MCTP1: variants seen among roughly 807,000 people sequenced by gnomAD.
The protein encoded by MCTP1 is multiple C2 and transmembrane domain containing 1.
In MCTP1, 69 loss-of-function variants were observed where a neutral mutation model predicts 120.6. The observed-to-expected ratio is 0.57, with a 90% confidence interval of 0.47 to 0.70. The LOEUF is 0.70. MCTP1 is among the 30% of genes least tolerant of loss of function. The pLI is 0.00. For synonymous variants in MCTP1, 529 were observed against 493.1 expected (o/e 1.07, Z -0.96); for missense variants, 1,203 against 1,248.8 (o/e 0.96, Z 0.55).
At chr5:95,231,570 A>C (rs1275625604) in intron 1 of MCTP1, among the ~76,000 whole-genome samples, 7 of 152,212 alleles carry the variant, frequency 4.6e-5, no homozygotes, top group Non-Finnish European at 1.0e-4. Flanking sequence ...ATTTACTGCC[A>C]TGAGTGATTC....
At chr5:94,791,136 A>C (rs1013471524) in intron 18 of MCTP1, among the ~76,000 whole-genome samples, 1 of 150,630 alleles carries the variant, frequency 6.6e-6, no homozygotes, top group African/African-American at 2.4e-5. Context: ...AAAAAAAAGA[A>C]AAAAATACAA....
At chr5:95,066,341 A>G (rs1750654705) in intron 1 of MCTP1, among the ~76,000 whole-genome samples, 1 of 152,202 alleles carries the variant, frequency 6.6e-6, no homozygotes, top group South Asian at 2.1e-4. Flanking sequence ...CAAAAAGACA[A>G]GAGATAACTA....
chr5:94,802,159 T>C (rs939439486), intron 17 of MCTP1, among the ~76,000 whole-genome samples: 1 of 152,200 alleles, frequency 6.6e-6, no homozygotes, highest in African/African-American at 2.4e-5. Flanking sequence ...ATCTAATATT[T>C]GGGTAATTGA....
At chr5:95,084,745 G>A (rs1230465923) in intron 1 of MCTP1, among the ~76,000 whole-genome samples, 1 of 152,066 alleles carries the variant, frequency 6.6e-6, no homozygotes, top group East Asian at 1.9e-4. Flanking sequence ...CATAACAATT[G>A]CTTTCCTAAT....
At chr5:94,923,495 T>C (rs1278775972) in intron 7 of MCTP1, among the ~76,000 whole-genome samples, 4 of 152,204 alleles carry the variant, frequency 2.6e-5, no homozygotes, top group East Asian at 1.9e-4. Context: ...TTCTAAATTA[T>C]AGGATTTCTT....
At chr5:94,759,738 T>C (rs1316813804) in intron 19 of MCTP1, among the ~76,000 whole-genome samples, 3 of 152,114 alleles carry the variant, frequency 2.0e-5, no homozygotes, top group African/African-American at 7.2e-5. Flanking sequence ...ACATAACCTG[T>C]GTTACTTAAA....
At chr5:94,958,784 T>C (rs1452788731) in intron 2 of MCTP1, among the ~76,000 whole-genome samples, 1 of 152,202 alleles carries the variant, frequency 6.6e-6, no homozygotes, top group Non-Finnish European at 1.5e-5. Flanking sequence ...ATTAGTAGCC[T>C]ACCAACCAAA....
At chr5:95,095,770 A>G (rs1002821090) in intron 1 of MCTP1, among the ~76,000 whole-genome samples, 1 of 152,190 alleles carries the variant, frequency 6.6e-6, no homozygotes, top group African/African-American at 2.4e-5. Flanking sequence ...GGCAAAGTGA[A>G]TGCCTGAAGC....
At chr5:95,126,692 C>T (rs1162843687) in intron 1 of MCTP1, among the ~76,000 whole-genome samples, 4 of 152,086 alleles carry the variant, frequency 2.6e-5, no homozygotes, top group Non-Finnish European at 4.4e-5. Context: ...TGGGATCATG[C>T]TATACTACAT....
rs183756046 is a variant in MCTP1, at chr5:94,767,382, C to T, written c.2610+11728G>A. On this transcript the variant is annotated intron_variant, in intron 19 of 22. Transcript: ENST00000515393. The stretch of plus-strand genomic sequence containing the variant: ...GACAATGATGCCCCTGTTCACCACT[C>T]TTGTTCAACATAGTACTGAAAGTCC... Among the ~76,000 whole-genome samples the T allele has an allele frequency of 7.9e-5, 12 of 152,268 alleles. No homozygotes were observed. In the East Asian group the frequency reaches 2.3e-3, roughly 29 times the overall value.
rs527338333 is a variant in MCTP1, at chr5:94,818,536, G to A, written c.2437-19404C>T. Among the ~76,000 whole-genome samples, 22 of 152,248 alleles carry A rather than the reference G, an allele frequency of 1.4e-4. 1 individual carries two copies. Among genetic ancestry groups the A allele is most frequent in the Admixed American group, 1.1e-3 (17 of 15,296 alleles). On this transcript the variant is annotated intron_variant, in intron 17 of 22. Transcript: ENST00000515393. ...AGGCCATATGGAGTTTACATACTGCGCTAGAGGCTTCCTAGAGAGTAGACT... is the reference window on the plus strand; with the variant it reads ...AGGCCATATGGAGTTTACATACTGCACTAGAGGCTTCCTAGAGAGTAGACT...
At chr5:95,279,688 G>A (rs193059422) in intron 1 of MCTP1, among the ~76,000 whole-genome samples, 1 of 152,284 alleles carries the variant, frequency 6.6e-6, no homozygotes. Context: ...AAGATTCATA[G>A]TTCAACTCAA....
At chr5:94,751,757 G>C (rs1768377824) in intron 19 of MCTP1, among the ~76,000 whole-genome samples, 1 of 152,162 alleles carries the variant, frequency 6.6e-6, no homozygotes, top group Admixed American at 6.5e-5. Context: ...AAGGAACAGA[G>C]AAGGGGGAGC....
At chr5:94,894,932 ATAT>A in intron 10 of MCTP1, 97 bp from the exon 11 acceptor site, 1 of 733,624 alleles carries the variant, frequency 1.4e-6, no homozygotes, top group Non-Finnish European at 2.1e-6. Context: ...ATCAATAGAA[ATAT>A]TATTTGGACC....
chr5:95,199,909 C>A (rs541928222), intron 1 of MCTP1, among the ~76,000 whole-genome samples: 39 of 151,010 alleles, frequency 2.6e-4, no homozygotes, highest in Middle Eastern at 3.5e-3. Flanking sequence ...GCCTGTAACC[C>A]CAGCACTCTG....
intron 2 of MCTP1, among the ~76,000 whole-genome samples, chr5:94,973,222 T>C (rs1827297077): frequency 6.6e-6 from 1 of 152,198 alleles, no homozygotes; most frequent in African/African-American, 2.4e-5. Context: ...CAAGAGCTAT[T>C]TGATTCTAGA....
At chr5:94,976,011 C>T (rs1453511906) in intron 2 of MCTP1, among the ~76,000 whole-genome samples, 1 of 152,152 alleles carries the variant, frequency 6.6e-6, no homozygotes, top group Non-Finnish European at 1.5e-5. Flanking sequence ...TGTATCATCG[C>T]ATAATAACAA....
intron 19 of MCTP1, among the ~76,000 whole-genome samples, chr5:94,734,753 G>A (rs1447626151): frequency 6.6e-6 from 1 of 152,136 alleles, no homozygotes; most frequent in Non-Finnish European, 1.5e-5. Flanking sequence ...GAGGCATCAT[G>A]CCTAGTCTCT....
In MCTP1 at chr5:95,081,390, A is replaced by G. The variant is rs778718023; in HGVS notation, c.721-63906T>C. On this transcript the variant is annotated intron_variant, in intron 1 of 22. Transcript: ENST00000515393. ...TAAACTGCCACATTAATTTAAGGCTACCACAATCCAGTGAGTAAACCAAAA... is the reference window on the plus strand; with the variant it reads ...TAAACTGCCACATTAATTTAAGGCTGCCACAATCCAGTGAGTAAACCAAAA... 10 of 1,586,796 alleles carry G rather than the reference A, an allele frequency of 6.3e-6. No homozygotes were observed. The South Asian group carries it at 1.1e-4, about 18-fold the overall frequency.
Sources: allele counts gnomAD v4.1 joint callset (sites outside exome capture counted in the v4.1 genomes callset), GRCh38; gene constraint gnomAD v4.1.1; transcripts MANE v1.5; gene names NCBI Gene and HGNC (gene_info 2026-07-23, HGNC 2026-07-21).